Variants in ZNF521 observed in about 807,000 individuals in gnomAD.
The protein encoded by ZNF521 is zinc finger protein 521.
Under a neutral mutation model 105.5 loss-of-function variants are expected in ZNF521, and 14 were observed. The observed-to-expected ratio is 0.13, with a 90% CI of 0.09 to 0.21. The LOEUF (loss-of-function observed/expected upper bound fraction) is 0.21, where lower values mean the gene tolerates loss of function less well. Ranked by LOEUF, ZNF521 falls within the 10% of genes least tolerant of loss-of-function variation. The pLI is 1.00. For synonymous variants in ZNF521, 635 were observed against 606.0 expected (o/e 1.05, Z -0.70); for missense variants, 1,233 against 1,629.7 (o/e 0.76, Z 4.19).
chr18:25,099,406 A>C (rs2033920030), intron 5 of ZNF521, among the ~76,000 whole-genome samples: 1 of 152,184 alleles, frequency 6.6e-6, no homozygotes, highest in Non-Finnish European at 1.5e-5. Context: ...AATAAGATGA[A>C]AATACTCTGG....
intron 3 of ZNF521, among the ~76,000 whole-genome samples, chr18:25,318,422 A>T (rs1912757053): frequency 6.6e-6 from 1 of 152,238 alleles, no homozygotes; most frequent in African/African-American, 2.4e-5. Flanking sequence ...AAAATTCACC[A>T]AATTATATAC....
At chr18:25,280,160 C>T (rs1906855682) in intron 3 of ZNF521, among the ~76,000 whole-genome samples, 1 of 152,216 alleles carries the variant, frequency 6.6e-6, no homozygotes. Context: ...CGCTGCTCCG[C>T]AGCCCTGACA....
chr18:25,173,392 C>T (rs367822750), intron 5 of ZNF521, among the ~76,000 whole-genome samples: 14 of 152,260 alleles, frequency 9.2e-5, no homozygotes, highest in African/African-American at 3.4e-4. Flanking sequence ...ACATTCCATC[C>T]CAAGCCTTTC....
chr18:25,219,238 A>C (rs1484232493), intron 4 of ZNF521, among the ~76,000 whole-genome samples: 1 of 152,172 alleles, frequency 6.6e-6, no homozygotes, highest in Non-Finnish European at 1.5e-5. Flanking sequence ...TTTTTGACCG[A>C]GTGAGGGGTC....
At chr18:25,274,798 TC>T (rs1397706259) in intron 3 of ZNF521, among the ~76,000 whole-genome samples, 5 of 152,206 alleles carry the variant, frequency 3.3e-5, no homozygotes, top group Non-Finnish European at 5.9e-5. Context: ...GGGAGAGTTG[TC>T]ATTTGAATAT....
chr18:25,312,727 C>A (rs1912385371), intron 3 of ZNF521, among the ~76,000 whole-genome samples: 1 of 74,092 alleles, frequency 1.3e-5, no homozygotes, highest in Non-Finnish European at 2.8e-5. Context: ...AGGAGAATGG[C>A]GTGAACCCGG....
intron 5 of ZNF521, among the ~76,000 whole-genome samples, chr18:25,143,361 T>C (rs1469067337): frequency 6.6e-6 from 1 of 152,152 alleles, no homozygotes; most frequent in Non-Finnish European, 1.5e-5. Context: ...CTGTTTTTCA[T>C]GTAGATGTTT....
chr18:25,286,471 T>C (rs1035364264), intron 3 of ZNF521, among the ~76,000 whole-genome samples: 2 of 152,172 alleles, frequency 1.3e-5, no homozygotes, highest in African/African-American at 4.8e-5. Context: ...CCTACCACCA[T>C]ACAGAGGAGA....
chr18:25,328,656 G>A (rs901724821), intron 2 of ZNF521, among the ~76,000 whole-genome samples: 2 of 151,512 alleles, frequency 1.3e-5, no homozygotes, highest in Non-Finnish European at 2.9e-5. Context: ...GGGTTCAAGC[G>A]ATTCTCCTGC....
intron 3 of ZNF521, among the ~76,000 whole-genome samples, chr18:25,266,405 C>T (rs577137931): frequency 7.2e-5 from 11 of 152,302 alleles, no homozygotes; most frequent in Non-Finnish European, 1.6e-4. Context: ...TGACTGATAA[C>T]AATTTAGCCT....
intron 5 of ZNF521, among the ~76,000 whole-genome samples, chr18:25,179,426 C>G (rs1414829783): frequency 6.6e-6 from 1 of 151,874 alleles, no homozygotes; most frequent in Non-Finnish European, 1.5e-5. Context: ...ATGGCACTCA[C>G]AGCATTTTAC....
intron 5 of ZNF521, among the ~76,000 whole-genome samples, chr18:25,186,585 T>C (rs1567999991): frequency 6.6e-6 from 1 of 152,108 alleles, no homozygotes; most frequent in African/African-American, 2.4e-5. Context: ...TCTGATGAAA[T>C]GAAGGAACTC....
chr18:25,122,898 G>A (rs990852513), intron 5 of ZNF521, among the ~76,000 whole-genome samples: 2 of 152,074 alleles, frequency 1.3e-5, no homozygotes, highest in South Asian at 2.1e-4. Flanking sequence ...CATGAAACTT[G>A]GTCCAGTGTG....
chr18:25,212,158 ATTC>A (rs1243901129), intron 4 of ZNF521, among the ~76,000 whole-genome samples: 1 of 152,050 alleles, frequency 6.6e-6, no homozygotes, highest in Non-Finnish European at 1.5e-5. Context: ...GTGACTTTTC[ATTC>A]TTCTATACAT....
intron 5 of ZNF521, among the ~76,000 whole-genome samples, chr18:25,116,871 GTATATATATATA>G (rs55759335): frequency 7.2e-6 from 1 of 138,738 alleles, no homozygotes; most frequent in African/African-American, 2.8e-5. Flanking sequence ...ATATATATAC[GTATATATATATA>G]TATACGTATA....
At chr18:25,155,150 T>G (rs1327336286) in intron 5 of ZNF521, among the ~76,000 whole-genome samples, 1 of 152,180 alleles carries the variant, frequency 6.6e-6, no homozygotes, top group Admixed American at 6.5e-5. Flanking sequence ...TGTTGAGCAC[T>G]CTTTCTTGTA....
chr18:25,273,217 C>T (rs991465784), intron 3 of ZNF521, among the ~76,000 whole-genome samples: 3 of 34,588 alleles, frequency 8.7e-5, no homozygotes, highest in African/African-American at 2.8e-4. Flanking sequence ...GAAACCCTGT[C>T]TCCAAAAAAA....
chr18:25,347,222 A>G lies in ZNF521; in HGVS notation c.40+3685T>C, dbSNP rs879853575. Among the ~76,000 whole-genome samples the G allele has an allele frequency of 3.3e-5, 5 of 152,192 alleles. No homozygotes were observed. The East Asian group carries it at 7.7e-4, about 23-fold the overall frequency. ...TGTCTACTCTCAGGAATTGAGACAAATATCCAAATAATATAAATGGGGCAG... is the reference window on the plus strand; with the variant it reads ...TGTCTACTCTCAGGAATTGAGACAAGTATCCAAATAATATAAATGGGGCAG... On this transcript the variant is annotated intron_variant, in intron 2 of 7. Transcript: ENST00000361524.
At chr18:25,126,430 T>G (rs1411608553) in intron 5 of ZNF521, among the ~76,000 whole-genome samples, 5 of 152,120 alleles carry the variant, frequency 3.3e-5, no homozygotes, top group Non-Finnish European at 5.9e-5. Flanking sequence ...GGATTATTAA[T>G]AACAACATTC....
Sources: allele counts gnomAD v4.1 joint callset (sites outside exome capture counted in the v4.1 genomes callset), GRCh38; gene constraint gnomAD v4.1.1; transcripts MANE v1.5; gene names NCBI Gene and HGNC (gene_info 2026-07-23, HGNC 2026-07-21).